The following MAP3K5 variants were observed in gnomAD, a reference collection of about 807,000 sequenced individuals.
The protein encoded by MAP3K5 is ASK-1.
In MAP3K5, 56 loss-of-function variants were observed where a neutral mutation model predicts 158.7. That is an observed-to-expected ratio of 0.35 (90% CI 0.28 to 0.44). The LOEUF is 0.44. Ranked by LOEUF, MAP3K5 falls within the 20% of genes least tolerant of loss-of-function variation. The probability of loss-of-function intolerance (pLI) is 1.00; values close to 1 mark genes in which losing one functional copy is unlikely to be tolerated. For missense variants in MAP3K5, 1,294 were observed against 1,674.8 expected (o/e 0.77, Z 3.97); for synonymous variants, 579 against 601.7 (o/e 0.96, Z 0.55).
intron 7 of MAP3K5, among the ~76,000 whole-genome samples, chr6:136,690,312 T>C (rs1780331738): frequency 6.6e-6 from 1 of 152,186 alleles, no homozygotes; most frequent in South Asian, 2.1e-4. Context: ...TCAACTTTTT[T>C]AAAGTTTTTT....
intron 1 of MAP3K5, among the ~76,000 whole-genome samples, chr6:136,763,518 C>G (rs77225822): frequency 1.6e-4 from 25 of 152,140 alleles, no homozygotes; most frequent in Non-Finnish European, 2.6e-4. Context: ...TCTATAGAAA[C>G]TGAAAATTTA....
At chr6:136,659,835 C>T (rs1778927732) in intron 8 of MAP3K5, among the ~76,000 whole-genome samples, 1 of 152,184 alleles carries the variant, frequency 6.6e-6, no homozygotes, top group African/African-American at 2.4e-5. Flanking sequence ...CTTAATGCCA[C>T]TGAAGCGTGC....
intron 1 of MAP3K5, among the ~76,000 whole-genome samples, chr6:136,788,084 G>C (rs575405545): frequency 6.6e-6 from 1 of 152,312 alleles, no homozygotes; most frequent in South Asian, 2.1e-4. Context: ...GGCTGCTCTT[G>C]AGTAATAGGG....
In MAP3K5 at chr6:136,589,488, A is replaced by G. The variant is rs144118212; in HGVS notation, c.3225+2685T>C. 3.4e-3 allele frequency among the ~76,000 whole-genome samples: 515 copies of G among 152,224 alleles called. 7 individuals carry two copies. Among genetic ancestry groups the G allele is most frequent in the African/African-American group, 0.012 (496 of 41,542 alleles). On this transcript the variant is annotated intron_variant, in intron 23 of 29. Transcript: ENST00000359015. ...CTCCTGGTGCATATTTGGGAAGGGG[A>G]TTCTTCCTTGTGTTTGTACACAGAA... is the stretch of plus-strand genomic sequence containing the variant.
At chr6:136,560,251 T>C (rs1583181598) in intron 28 of MAP3K5, among the ~76,000 whole-genome samples, 1 of 152,100 alleles carries the variant, frequency 6.6e-6, no homozygotes, top group African/African-American at 2.4e-5. Flanking sequence ...GAGGCTGAGG[T>C]GGGCAGATCA....
intron 21 of MAP3K5, among the ~76,000 whole-genome samples, chr6:136,593,033 G>C (rs1212521477): frequency 1.3e-5 from 2 of 152,152 alleles, no homozygotes; most frequent in Non-Finnish European, 2.9e-5. Context: ...TTAGCATCTT[G>C]GGGCTGCCTT....
At chr6:136,579,951 A>T (rs1392687877) in intron 25 of MAP3K5, 1 of 433,518 alleles carries the variant, frequency 2.3e-6, no homozygotes, top group Non-Finnish European at 4.6e-6. Context: ...TGCTCAATAC[A>T]TTGGAAGATT....
At chr6:136,709,257 T>A (rs1383431379) in intron 2 of MAP3K5, among the ~76,000 whole-genome samples, 1 of 152,192 alleles carries the variant, frequency 6.6e-6, no homozygotes, top group African/African-American at 2.4e-5. Flanking sequence ...AATAAATGAA[T>A]AAATTAATGA....
chr6:136,666,096 G>A (rs907917706), intron 8 of MAP3K5, among the ~76,000 whole-genome samples: 2 of 152,158 alleles, frequency 1.3e-5, no homozygotes, highest in South Asian at 4.1e-4. Flanking sequence ...GCTTGCAAAG[G>A]TGAAAACAGG....
rs753127908 is a variant in MAP3K5, at chr6:136,577,272, G to A, written c.3517+3029C>T. Among the ~76,000 whole-genome samples the A allele has an allele frequency of 3.9e-4, 60 of 152,104 alleles. 1 individual carries two copies. Among genetic ancestry groups the A allele is most frequent in the Non-Finnish European group, 4.1e-4 (28 of 68,008 alleles). On this transcript the variant is annotated intron_variant, in intron 25 of 29. Transcript: ENST00000359015. ...AATCTTTCAGGACATCTGAAAATTT[G>A]ATGGAGTTGTTGAATGACTGACATC...
rs1430286330 is a variant in MAP3K5 at position 136,599,173 on chromosome 6, G to A, written c.2878+1849C>T. Among the ~76,000 whole-genome samples, 276 of 149,110 alleles carry A rather than the reference G, an allele frequency of 1.9e-3. 5 individuals carry two copies. The highest frequency in any genetic ancestry group is 3.4e-3 in the Middle Eastern group (1 of 292). On this transcript the variant is annotated intron_variant, in intron 21 of 29. Transcript: ENST00000359015. ...GACTCCGTCTCAAAAAAAAAAGGGG[G>A]GGGGGGCGTGGATTTTAGCTCCTAA...
chr6:136,601,738 C>T (rs1775884271), intron 20 of MAP3K5, 64 bp downstream of exon 20: 2 of 1,489,116 alleles, frequency 1.3e-6, no homozygotes, highest in Non-Finnish European at 1.8e-6. Flanking sequence ...CCGGAAAATT[C>T]TTCCATCTTA....
At chr6:136,682,191 G>T (rs1583409372) in intron 7 of MAP3K5, among the ~76,000 whole-genome samples, 1 of 152,128 alleles carries the variant, frequency 6.6e-6, no homozygotes, top group East Asian at 1.9e-4. Flanking sequence ...AACTTTTCAG[G>T]CCTTGTGTTC....
chr6:136,716,713 A>G (rs996370568), intron 2 of MAP3K5, among the ~76,000 whole-genome samples: 41 of 152,380 alleles, frequency 2.7e-4, no homozygotes, highest in African/African-American at 9.1e-4. Flanking sequence ...AATAAATCAG[A>G]AAATAATTGT....
At chr6:136,638,013 C>A (rs898006322) in intron 13 of MAP3K5, among the ~76,000 whole-genome samples, 1 of 152,110 alleles carries the variant, frequency 6.6e-6, no homozygotes, top group African/African-American at 2.4e-5. Flanking sequence ...TGAACAAAGT[C>A]TATCTTGGAA....
chr6:136,766,461 A>T (rs1321209715), intron 1 of MAP3K5, among the ~76,000 whole-genome samples: 1 of 152,224 alleles, frequency 6.6e-6, no homozygotes, highest in African/African-American at 2.4e-5. Flanking sequence ...CATGAATAGA[A>T]GGGTAGGTTA....
At chr6:136,746,062 T>G (rs1039926769) in intron 1 of MAP3K5, among the ~76,000 whole-genome samples, 1 of 152,200 alleles carries the variant, frequency 6.6e-6, no homozygotes, top group African/African-American at 2.4e-5. Context: ...AGGTGCGAAA[T>G]GCTGATGATG....
At chr6:136,756,555 T>A (rs1783499641) in intron 1 of MAP3K5, among the ~76,000 whole-genome samples, 2 of 152,220 alleles carry the variant, frequency 1.3e-5, no homozygotes, top group South Asian at 4.1e-4. Context: ...AACCTCCGCC[T>A]CCCGGAAGGG....
intron 1 of MAP3K5, among the ~76,000 whole-genome samples, chr6:136,725,792 CT>C (rs1781942758): frequency 6.6e-6 from 1 of 152,054 alleles, no homozygotes; most frequent in African/African-American, 2.4e-5. Context: ...CAAAAGTTTT[CT>C]TTTATGGTTT....
Sources: gnomAD v4.1 joint callset for allele counts (sites outside exome capture counted in the v4.1 genomes callset) on GRCh38, gnomAD v4.1.1 for gene constraint, MANE v1.5 for transcripts, NCBI Gene and HGNC (gene_info 2026-07-23, HGNC 2026-07-21) for gene names.